The following CACNB2 variants were observed in gnomAD, a reference collection of about 807,000 sequenced individuals.
CACNB2 encodes the protein calcium voltage-gated channel auxiliary subunit beta 2, also known as voltage-dependent L-type calcium channel subunit beta-2.
Under a neutral mutation model 73.3 loss-of-function variants are expected in CACNB2, and 42 were observed. The observed-to-expected ratio is 0.57, with a 90% confidence interval of 0.45 to 0.74. CACNB2 has a LOEUF of 0.74. CACNB2 is among the 30% of genes least tolerant of loss of function. The probability of loss-of-function intolerance (pLI) is 0.00; values close to 1 mark genes in which losing one functional copy is unlikely to be tolerated. For missense variants in CACNB2, 940 were observed against 853.0 expected (o/e 1.10, Z -1.27); for synonymous variants, 348 against 310.3 (o/e 1.12, Z -1.28).
intron 3 of CACNB2, among the ~76,000 whole-genome samples, chr10:18,484,319 G>A (rs561201469): frequency 2.6e-4 from 39 of 151,824 alleles, no homozygotes; most frequent in Admixed American, 3.9e-4. Context: ...ACTTGAACCC[G>A]GGAGGCAGAG....
chr10:18,322,987 G>T (rs1399086494), intron 2 of CACNB2, among the ~76,000 whole-genome samples: 14 of 129,726 alleles, frequency 1.1e-4, no homozygotes, highest in African/African-American at 4.0e-4. Context: ...TTTTGAGACA[G>T]GGTCTTGCTC....
intron 2 of CACNB2, among the ~76,000 whole-genome samples, chr10:18,204,697 G>T (rs752864363): frequency 6.6e-6 from 1 of 152,172 alleles, no homozygotes; most frequent in Admixed American, 6.5e-5. Flanking sequence ...TAAGCTCTGC[G>T]AGGGCAAGTA....
At chr10:18,390,830 C>T (rs2132446784) in intron 2 of CACNB2, among the ~76,000 whole-genome samples, 2 of 152,260 alleles carry the variant, frequency 1.3e-5, no homozygotes, top group Admixed American at 1.3e-4. Flanking sequence ...TTTGCAAGTG[C>T]ATTCTTTCTA....
intron 3 of CACNB2, among the ~76,000 whole-genome samples, chr10:18,494,461 C>G (rs1325476334): frequency 4.0e-5 from 6 of 151,746 alleles, no homozygotes; most frequent in Non-Finnish European, 8.8e-5. Flanking sequence ...AACCCCATCT[C>G]TACTAAAAAT....
chr10:18,305,488 A>C (rs1564421541), intron 2 of CACNB2, among the ~76,000 whole-genome samples: 4 of 152,254 alleles, frequency 2.6e-5, no homozygotes, highest in Non-Finnish European at 5.9e-5. Flanking sequence ...CTCAGCACAA[A>C]TCCTCGAAAT....
chr10:18,246,351 A>T (rs1045391570), intron 2 of CACNB2, among the ~76,000 whole-genome samples: 4 of 152,184 alleles, frequency 2.6e-5, no homozygotes, highest in Non-Finnish European at 5.9e-5. Context: ...TTATAACCTT[A>T]GGGAACTTCC....
At chr10:18,164,460 GGAA>G (rs1392314850) in intron 2 of CACNB2, among the ~76,000 whole-genome samples, 2 of 152,066 alleles carry the variant, frequency 1.3e-5, no homozygotes, top group South Asian at 4.1e-4. Flanking sequence ...ACCCTCTTTT[GGAA>G]GAAGAATTGG....
chr10:18,428,677 C>G (rs1477195775), intron 3 of CACNB2, among the ~76,000 whole-genome samples: 1 of 93,802 alleles, frequency 1.1e-5, no homozygotes. Flanking sequence ...CAAAGCGAGA[C>G]ACTGTCAAAA....
At chr10:18,386,109 A>C (rs1033607840) in intron 2 of CACNB2, among the ~76,000 whole-genome samples, 1 of 152,170 alleles carries the variant, frequency 6.6e-6, no homozygotes, top group African/African-American at 2.4e-5. Context: ...CTTTGCTTGT[A>C]ATCTTTGCCA....
At chr10:18,197,450 C>CA (rs1231784165) in intron 2 of CACNB2, among the ~76,000 whole-genome samples, 21 of 152,170 alleles carry the variant, frequency 1.4e-4, no homozygotes, top group Admixed American at 6.5e-5. Flanking sequence ...AAGCAGGCCC[C>CA]AACACAGGCT....
intron 3 of CACNB2, among the ~76,000 whole-genome samples, chr10:18,437,176 G>A (rs1436382306): frequency 2.0e-5 from 3 of 152,192 alleles, no homozygotes; most frequent in Non-Finnish European, 4.4e-5. Context: ...CCAATTAGTT[G>A]AAAGGAAGTT....
intron 2 of CACNB2, among the ~76,000 whole-genome samples, chr10:18,163,192 A>G (rs1564307519): frequency 6.6e-6 from 1 of 152,220 alleles, no homozygotes; most frequent in Non-Finnish European, 1.5e-5. Context: ...TAGCTACTCT[A>G]GTGAGTACTT....
At position 18,505,764 on chromosome 10, in the gene CACNB2, A is replaced by G. The variant is rs931178578; in HGVS notation, c.594-707A>G. Among the ~76,000 whole-genome samples the G allele has an allele frequency of 2.0e-5, 3 of 152,172 alleles. No homozygotes were observed. In the South Asian group the frequency reaches 6.2e-4, roughly 32 times the overall value. On this transcript the variant is annotated intron_variant, in intron 5 of 13. Coordinates refer to ENST00000324631, the MANE Select transcript of CACNB2 (RefSeq NM_201596.3). ...ATGCTGTTGTTCTAATATTAACTCCAATGTTTCTGAGACACTGCAGTATAT... is the reference window on the plus strand; with the variant it reads ...ATGCTGTTGTTCTAATATTAACTCCGATGTTTCTGAGACACTGCAGTATAT...
chr10:18,528,053 T>A (rs908900667), intron 10 of CACNB2, among the ~76,000 whole-genome samples: 7 of 150,364 alleles, frequency 4.7e-5, no homozygotes, highest in African/African-American at 1.8e-4. Context: ...AAAAAAGAAA[T>A]AAAATAACTA....
intron 2 of CACNB2, among the ~76,000 whole-genome samples, chr10:18,235,188 T>A (rs916938618): frequency 7.0e-6 from 1 of 142,770 alleles, no homozygotes; most frequent in African/African-American, 2.6e-5. Flanking sequence ...CGCAGTGGCT[T>A]ATGCCTGTAA....
At chr10:18,356,412 A>T (rs2132173660) in intron 2 of CACNB2, among the ~76,000 whole-genome samples, 1 of 151,954 alleles carries the variant, frequency 6.6e-6, no homozygotes, top group South Asian at 2.1e-4. Flanking sequence ...GTCTTGCTGG[A>T]TTATTATTAT....
chr10:18,476,524 G>T (rs185951725), intron 3 of CACNB2, among the ~76,000 whole-genome samples: 91 of 152,290 alleles, frequency 6.0e-4, no homozygotes, highest in Admixed American at 1.0e-3. Context: ...CCATCAGTCT[G>T]ATTGGTTGTA....
At chr10:18,350,260 A>T (rs531918965) in intron 2 of CACNB2, among the ~76,000 whole-genome samples, 16 of 152,286 alleles carry the variant, frequency 1.1e-4, no homozygotes, top group South Asian at 6.2e-4. Flanking sequence ...AAATTTTTTT[A>T]AAATAATAAA....
chr10:18,537,122 G>A (rs965967844), intron 12 of CACNB2, among the ~76,000 whole-genome samples: 4 of 151,996 alleles, frequency 2.6e-5, no homozygotes, highest in African/African-American at 9.7e-5. Context: ...CAAGTAGCTA[G>A]GACTACAGGC....
Sources: gnomAD v4.1 joint callset for allele counts (sites outside exome capture counted in the v4.1 genomes callset) on GRCh38, gnomAD v4.1.1 for gene constraint, MANE v1.5 for transcripts, NCBI Gene and HGNC (gene_info 2026-07-23, HGNC 2026-07-21) for gene names.